RCAN2: variants seen among roughly 807,000 people sequenced by gnomAD.
RCAN2 encodes the protein calcipressin-2.
In RCAN2, 9 loss-of-function variants were observed where a neutral mutation model predicts 23.6. The observed-to-expected ratio is 0.38, with a 90% CI of 0.23 to 0.67. The LOEUF is 0.67. Among genes scored for constraint, RCAN2 ranks in the 30% least tolerant of loss-of-function variants. The pLI is 0.51. For missense variants in RCAN2, 273 were observed against 302.3 expected (o/e 0.90, Z 0.72); for synonymous variants, 109 against 115.7 (o/e 0.94, Z 0.37).
intron 2 of RCAN2, among the ~76,000 whole-genome samples, chr6:46,290,300 T>C (rs1330204512): frequency 6.6e-6 from 1 of 152,194 alleles, no homozygotes; most frequent in South Asian, 2.1e-4. Flanking sequence ...AAATAAATCC[T>C]AATTTTGTAG....
intron 2 of RCAN2, among the ~76,000 whole-genome samples, chr6:46,311,402 G>T (rs1361366535): frequency 6.6e-6 from 1 of 152,224 alleles, no homozygotes. Context: ...TAAAAGATGT[G>T]AATGATACTC....
At chr6:46,310,842 T>C (rs2150356403) in intron 2 of RCAN2, among the ~76,000 whole-genome samples, 1 of 152,180 alleles carries the variant, frequency 6.6e-6, no homozygotes, top group East Asian at 1.9e-4. Flanking sequence ...ACTTAGAAAT[T>C]AAGTGAATTT....
intron 2 of RCAN2, among the ~76,000 whole-genome samples, chr6:46,380,309 G>A (rs950311524): frequency 7.2e-5 from 11 of 152,176 alleles, no homozygotes; most frequent in Admixed American, 1.3e-4. Context: ...CCTCAGTTCA[G>A]GTCAGGCTTT....
rs868280037 is a variant in RCAN2, at chr6:46,343,480, A to T, written c.226-94584T>A. Reference sequence around the variant, plus strand: ...AAGCTCCGCCTCCCGGGTTCATGCCATTCTCCTGCCTCAGCCTCCTGAGTA... The same window carrying T: ...AAGCTCCGCCTCCCGGGTTCATGCCTTTCTCCTGCCTCAGCCTCCTGAGTA... On this transcript the variant is annotated intron_variant, in intron 2 of 4. Coordinates refer to ENST00000371374, the MANE Select transcript of RCAN2 (RefSeq NM_001251974.2). Among the ~76,000 whole-genome samples the T allele has an allele frequency of 1.1e-4, 16 of 147,968 alleles. 3 individuals are homozygous for T. In the Middle Eastern group the frequency reaches 0.029, roughly 266 times the overall value.
intron 2 of RCAN2, among the ~76,000 whole-genome samples, chr6:46,311,886 CT>C (rs1204626280): frequency 6.6e-6 from 1 of 152,088 alleles, no homozygotes; most frequent in Non-Finnish European, 1.5e-5. Flanking sequence ...TAATAGAATC[CT>C]GACTTTTAGC....
chr6:46,337,983 G>A (rs973509156), intron 2 of RCAN2, among the ~76,000 whole-genome samples: 2 of 152,176 alleles, frequency 1.3e-5, no homozygotes, highest in African/African-American at 4.8e-5. Context: ...AGTGTGGGCT[G>A]CATGGGAATG....
intron 1 of RCAN2, among the ~76,000 whole-genome samples, chr6:46,458,753 T>C (rs1173663567): frequency 4.6e-5 from 7 of 152,234 alleles, no homozygotes; most frequent in African/African-American, 1.4e-4. Context: ...TTATTTATAC[T>C]GTTGCTTGAA....
rs1767679162 is a variant in RCAN2, at chr6:46,445,471, A to G, written c.225+11281T>C. On this transcript the variant is annotated intron_variant, in intron 2 of 4. Coordinates refer to ENST00000371374, the MANE Select transcript of RCAN2 (RefSeq NM_001251974.2). ...CCCCAGACAAAGCCAGTCCAAAAAG[A>G]CAGGAATAAGTCCCTACTTCTTCAA... 2.6e-5 allele frequency among the ~76,000 whole-genome samples: 4 copies of G among 152,212 alleles called. No individual in the cohort carries two copies. In the South Asian group the frequency reaches 6.2e-4, roughly 24 times the overall value.
At chr6:46,339,508 G>C (rs1764238670) in intron 2 of RCAN2, among the ~76,000 whole-genome samples, 1 of 152,006 alleles carries the variant, frequency 6.6e-6, no homozygotes. Context: ...AATATTGTTG[G>C]GCTGCCCAAA....
intron 4 of RCAN2, among the ~76,000 whole-genome samples, chr6:46,223,632 T>G (rs1765555089): frequency 1.3e-5 from 2 of 152,222 alleles, no homozygotes; most frequent in South Asian, 4.1e-4. Context: ...CGTATTAGTT[T>G]CTCTTCTATT....
rs189107756 is a variant in RCAN2 at position 46,228,220 on chromosome 6, G to A, written c.572-4919C>T. Among the ~76,000 whole-genome samples the A allele has an allele frequency of 1.5e-3, 234 of 152,330 alleles. 2 individuals are homozygous for A. Among genetic ancestry groups the A allele is most frequent in the African/African-American group, 5.5e-3 (227 of 41,580 alleles). On this transcript the variant is annotated intron_variant, in intron 4 of 4. Transcript: ENST00000371374. ...CTATGTGGTCAATTTTAGAATAAGTGCAATGTGGTGCTGAGAAGAATGTAT... is the reference window on the plus strand; with the variant it reads ...CTATGTGGTCAATTTTAGAATAAGTACAATGTGGTGCTGAGAAGAATGTAT...
intron 1 of RCAN2, among the ~76,000 whole-genome samples, chr6:46,469,661 A>G (rs1768499017): frequency 6.6e-6 from 1 of 152,172 alleles, no homozygotes; most frequent in Non-Finnish European, 1.5e-5. Context: ...GAGGATGTAT[A>G]CCATCCTTCT....
intron 2 of RCAN2, among the ~76,000 whole-genome samples, chr6:46,405,502 G>A (rs1029284141): frequency 6.6e-5 from 10 of 152,042 alleles, no homozygotes; most frequent in Admixed American, 3.3e-4. Flanking sequence ...GGTTCTCCAC[G>A]TCCCCATCAG....
At chr6:46,274,231 T>C (rs1182645126) in intron 2 of RCAN2, among the ~76,000 whole-genome samples, 2 of 152,196 alleles carry the variant, frequency 1.3e-5, no homozygotes, top group Non-Finnish European at 2.9e-5. Context: ...GCTGTTTGCA[T>C]TTGCAGAGGA....
chr6:46,399,674 C>A (rs1766194720), intron 2 of RCAN2, among the ~76,000 whole-genome samples: 1 of 151,908 alleles, frequency 6.6e-6, no homozygotes, highest in Non-Finnish European at 1.5e-5. Flanking sequence ...TCCCTCCACT[C>A]CTGGCTTCTA....
intron 4 of RCAN2, among the ~76,000 whole-genome samples, chr6:46,240,942 T>A (rs924750292): frequency 3.9e-5 from 6 of 152,168 alleles, no homozygotes; most frequent in Non-Finnish European, 7.3e-5. Context: ...AAAACCCTTC[T>A]CTGCAGTTAA....
At chr6:46,372,594 C>G (rs765881125) in intron 2 of RCAN2, among the ~76,000 whole-genome samples, 5 of 152,190 alleles carry the variant, frequency 3.3e-5, no homozygotes, top group Non-Finnish European at 7.3e-5. Context: ...GGCAATATCT[C>G]TAGGTGACAC....
chr6:46,325,699 G>T (rs1340786058), intron 2 of RCAN2: 2 of 1,357,534 alleles, frequency 1.5e-6, no homozygotes, highest in African/African-American at 1.5e-5. Context: ...TCATGGCAAT[G>T]ACATCACCAC....
chr6:46,460,181 C>T (rs548269394), intron 1 of RCAN2, among the ~76,000 whole-genome samples: 40 of 152,034 alleles, frequency 2.6e-4, no homozygotes, highest in Non-Finnish European at 4.9e-4. Context: ...ACCTCAGCCT[C>T]GTGAGTGGCT....
Sources: allele counts gnomAD v4.1 joint callset (sites outside exome capture counted in the v4.1 genomes callset), GRCh38; gene constraint gnomAD v4.1.1; transcripts MANE v1.5; gene names NCBI Gene and HGNC (gene_info 2026-07-23, HGNC 2026-07-21).